SCHIP1: variants seen among roughly 807,000 people sequenced by gnomAD.
SCHIP1 encodes schwannomin-interacting protein 1.
Under a neutral mutation model 29.7 loss-of-function variants are expected in SCHIP1, and 8 were observed. The observed-to-expected ratio is 0.27, with a 90% CI of 0.16 to 0.49. The LOEUF is 0.49. SCHIP1 is among the 20% of genes least tolerant of loss of function. The pLI is 0.99. For synonymous variants in SCHIP1, 76 were observed against 94.9 expected (o/e 0.80, Z 1.16); for missense variants, 193 against 294.6 (o/e 0.66, Z 2.52).
chr3:159,778,102 C>T, the SCHIP1 span, among the ~76,000 whole-genome samples: 1 of 152,140 alleles, frequency 6.6e-6, no homozygotes, highest in Non-Finnish European at 1.5e-5. Context: ...CTAACTCAGC[C>T]TCCTGAGTAG....
the SCHIP1 span, among the ~76,000 whole-genome samples, chr3:159,447,018 T>C: frequency 6.6e-6 from 1 of 152,194 alleles, no homozygotes; most frequent in Non-Finnish European, 1.5e-5. Context: ...GAGACAACTC[T>C]TTCTGATATG....
the SCHIP1 span, among the ~76,000 whole-genome samples, chr3:159,834,541 T>C: frequency 6.6e-6 from 1 of 152,210 alleles, no homozygotes; most frequent in Non-Finnish European, 1.5e-5. Flanking sequence ...GAAAACACTT[T>C]GTGTTTCTGC....
At chr3:159,713,491 G>T in the SCHIP1 span, among the ~76,000 whole-genome samples, 194 of 152,218 alleles carry the variant, frequency 1.3e-3, 1 homozygote, top group African/African-American at 4.5e-3. Context: ...TATTACAAAG[G>T]TAGTAAATTA....
chr3:159,472,744 G>C, the SCHIP1 span, among the ~76,000 whole-genome samples: 161 of 152,194 alleles, frequency 1.1e-3, 1 homozygote, highest in Non-Finnish European at 2.1e-3. Context: ...GTGCTGCCCA[G>C]AGGCTGTAAA....
chr3:159,463,761 A>T, the SCHIP1 span, among the ~76,000 whole-genome samples: 1 of 141,838 alleles, frequency 7.1e-6, no homozygotes, highest in Non-Finnish European at 1.6e-5. Context: ...TATATATAAG[A>T]TAGACACACA....
the SCHIP1 span, among the ~76,000 whole-genome samples, chr3:159,500,264 A>G: frequency 3.3e-5 from 5 of 152,236 alleles, no homozygotes; most frequent in African/African-American, 1.2e-4. Context: ...CTGAATACTC[A>G]TGAATCTCAG....
chr3:159,322,046 C>T, the SCHIP1 span, among the ~76,000 whole-genome samples: 1 of 151,698 alleles, frequency 6.6e-6, no homozygotes, highest in South Asian at 2.1e-4. Context: ...TACATCTTTG[C>T]CAGTAGTTCA....
chr3:159,745,030 G>A, the SCHIP1 span, among the ~76,000 whole-genome samples: 6 of 152,034 alleles, frequency 3.9e-5, no homozygotes, highest in South Asian at 1.0e-3. Flanking sequence ...GGACTGCTGT[G>A]CAATCCTGTG....
intron 4 of SCHIP1, 65 bp from the exon 6 acceptor site, chr3:159,888,755 G>T: frequency 6.3e-7 from 1 of 1,581,830 alleles, no homozygotes; most frequent in Non-Finnish European, 8.6e-7. Context: ...AGAAAACTGG[G>T]TCTTAACGTT....
the SCHIP1 span, among the ~76,000 whole-genome samples, chr3:159,750,296 T>TATACACACAC: frequency 7.5e-6 from 1 of 132,744 alleles, no homozygotes; most frequent in African/African-American, 3.1e-5. Flanking sequence ...TATATATATA[T>TATACACACAC]ACACACACAC....
chr3:159,461,023 G>GACCTGTTTC, the SCHIP1 span, among the ~76,000 whole-genome samples: 1 of 152,094 alleles, frequency 6.6e-6, no homozygotes, highest in African/African-American at 2.4e-5. Flanking sequence ...CGTGGAACTT[G>GACCTGTTTC]AGGGCTATGT....
At chr3:159,759,985 C>A in the SCHIP1 span, among the ~76,000 whole-genome samples, 1 of 149,694 alleles carries the variant, frequency 6.7e-6, no homozygotes, top group African/African-American at 2.5e-5. Context: ...ATCTTCTTAC[C>A]CCTATCTTTA....
the SCHIP1 span, among the ~76,000 whole-genome samples, chr3:159,506,150 G>C: frequency 1.3e-5 from 2 of 152,022 alleles, no homozygotes; most frequent in African/African-American, 4.8e-5. Context: ...TGACTTTTTA[G>C]TGATTGCCAT....
At chr3:159,810,069 G>A in the SCHIP1 span, among the ~76,000 whole-genome samples, 31 of 152,272 alleles carry the variant, frequency 2.0e-4, no homozygotes, top group Non-Finnish European at 4.0e-4. Flanking sequence ...GTTTTGAGAC[G>A]GAGTCTCGCA....
the SCHIP1 span, among the ~76,000 whole-genome samples, chr3:159,337,144 C>G: frequency 6.6e-6 from 1 of 152,020 alleles, no homozygotes; most frequent in Non-Finnish European, 1.5e-5. Flanking sequence ...CAAAATTCAA[C>G]AACACTTCAT....
At chr3:159,668,249 C>T in the SCHIP1 span, among the ~76,000 whole-genome samples, 3 of 151,870 alleles carry the variant, frequency 2.0e-5, no homozygotes, top group Admixed American at 6.6e-5. Flanking sequence ...TGGTGGCAGG[C>T]GCCTGTAGTC....
the SCHIP1 span, among the ~76,000 whole-genome samples, chr3:159,590,549 C>T: frequency 2.6e-4 from 40 of 151,816 alleles, no homozygotes; most frequent in African/African-American, 8.7e-4. Context: ...GCACTCCAGC[C>T]TGGGCAACAA....
chr3:159,760,735 A>G, the SCHIP1 span, among the ~76,000 whole-genome samples: 53 of 152,216 alleles, frequency 3.5e-4, no homozygotes, highest in Non-Finnish European at 8.8e-5. Context: ...AGGGTTGGGA[A>G]GTCAATGCAG....
At chr3:159,753,805 T>A in the SCHIP1 span, among the ~76,000 whole-genome samples, 2 of 152,224 alleles carry the variant, frequency 1.3e-5, no homozygotes, top group African/African-American at 4.8e-5. Context: ...TACTCCAGCT[T>A]AGTGATTCCT....
Sources: gnomAD v4.1 joint callset for allele counts (sites outside exome capture counted in the v4.1 genomes callset) on GRCh38, gnomAD v4.1.1 for gene constraint, MANE v1.5 for transcripts, NCBI Gene and HGNC (gene_info 2026-07-23, HGNC 2026-07-21) for gene names.